STK32B: variants seen among roughly 807,000 people sequenced by gnomAD.
STK32B encodes serine/threonine kinase 32B.
A neutral mutation model predicts 52.6 loss-of-function variants in STK32B; 43 were observed. The ratio of observed to expected loss-of-function variants is 0.82; its 90% confidence interval spans 0.64 to 1.05. STK32B has a LOEUF of 1.05. Ranked by LOEUF, STK32B falls within the 50% of genes least tolerant of loss-of-function variation. STK32B has a pLI of 0.00. For synonymous variants in STK32B, 238 were observed against 204.3 expected, an observed-to-expected ratio of 1.17 and a Z score of -1.41; for missense variants, 621 against 534.6, an observed-to-expected ratio of 1.16 and a Z score of -1.59.
intron 3 of STK32B, among the ~76,000 whole-genome samples, chr4:5,176,346 C>T (rs527841186): frequency 2.0e-4 from 30 of 152,126 alleles, no homozygotes; most frequent in Non-Finnish European, 3.5e-4. Context: ...GAGATGAACC[C>T]GGTACCTCAG....
chr4:5,032,176 A>T, the STK32B span, among the ~76,000 whole-genome samples: 1 of 151,184 alleles, frequency 6.6e-6, no homozygotes, highest in Non-Finnish European at 1.5e-5. Flanking sequence ...CTAGAAAGAA[A>T]AAAAAAAAAA....
At chr4:5,302,713 T>C (rs1193453495) in intron 3 of STK32B, among the ~76,000 whole-genome samples, 2 of 152,058 alleles carry the variant, frequency 1.3e-5, no homozygotes, top group African/African-American at 4.8e-5. Context: ...ACCTGAGCAG[T>C]GTACACTGTA....
At chr4:5,201,900 G>A (rs1287697215) in intron 3 of STK32B, among the ~76,000 whole-genome samples, 1 of 152,126 alleles carries the variant, frequency 6.6e-6, no homozygotes, top group Non-Finnish European at 1.5e-5. Flanking sequence ...TTTGGGTGGG[G>A]TCACAGAGCC....
intron 1 of STK32B, among the ~76,000 whole-genome samples, chr4:5,106,619 T>C (rs1160359024): frequency 2.0e-5 from 3 of 152,232 alleles, no homozygotes; most frequent in Admixed American, 1.3e-4. Flanking sequence ...GCCTGAAATA[T>C]GCCATTTATA....
intron 6 of STK32B, 67 bp downstream of exon 6, chr4:5,417,001 TTGTTTC>T: frequency 7.0e-7 from 1 of 1,424,170 alleles, no homozygotes; most frequent in Non-Finnish European, 9.6e-7. Context: ...CATCCTTCTC[TTGTTTC>T]ATCTGCCACT....
At chr4:5,435,450 G>A (rs934139715) in intron 6 of STK32B, among the ~76,000 whole-genome samples, 1 of 152,108 alleles carries the variant, frequency 6.6e-6, no homozygotes, top group Non-Finnish European at 1.5e-5. Context: ...AGAGCAACTC[G>A]CTCCTTCCTC....
rs1730829755 is a variant in STK32B, at chr4:5,316,654, TA to T, written c.261-14565del. Among the ~76,000 whole-genome samples, 2 of 7,344 alleles carry T rather than the reference TA, an allele frequency of 2.7e-4. 1 individual carries two copies. The highest frequency in any genetic ancestry group is 3.5e-4 in the Non-Finnish European group (2 of 5,740). The allele number at this position is 7,344 out of a possible 152,430, so 4.8% of individuals were successfully genotyped here. On this transcript the variant is annotated intron_variant, in intron 3 of 11. Transcript: ENST00000282908. ...AATATATAATATATTATATATATAA[TA>T]TATAATATATATTATATATATAATA...
At chr4:5,244,501 A>C (rs1032620669) in intron 3 of STK32B, among the ~76,000 whole-genome samples, 1 of 150,554 alleles carries the variant, frequency 6.6e-6, no homozygotes, top group African/African-American at 2.5e-5. Flanking sequence ...TGGTCTATCA[A>C]TTTTGTTGAT....
At chr4:5,278,129 A>AGGTTTTGACTTCTGGCAAGGTGAT (rs1276880564) in intron 3 of STK32B, among the ~76,000 whole-genome samples, 1 of 152,194 alleles carries the variant, frequency 6.6e-6, no homozygotes, top group Non-Finnish European at 1.5e-5. Context: ...ATGACGTGGG[A>AGGTTTTGACTTCTGGCAAGGTGAT]GGTTTTGACT....
intron 4 of STK32B, among the ~76,000 whole-genome samples, chr4:5,375,058 G>A (rs866328159): frequency 7.2e-5 from 11 of 152,144 alleles, no homozygotes; most frequent in African/African-American, 2.7e-4. Flanking sequence ...CAATGAACCC[G>A]AGTGAGGTCA....
At chr4:5,412,221 T>A (rs1711754181) in intron 5 of STK32B, among the ~76,000 whole-genome samples, 1 of 152,206 alleles carries the variant, frequency 6.6e-6, no homozygotes, top group Non-Finnish European at 1.5e-5. Context: ...TTCTCTTTGA[T>A]TTTTGGATGT....
chr4:5,068,458 A>G (rs991444795), intron 1 of STK32B, among the ~76,000 whole-genome samples: 1 of 152,204 alleles, frequency 6.6e-6, no homozygotes, highest in African/African-American at 2.4e-5. Flanking sequence ...GTTTAGAATA[A>G]CAGTGTGAGA....
intron 6 of STK32B, among the ~76,000 whole-genome samples, chr4:5,421,563 C>A (rs1265257708): frequency 6.6e-6 from 1 of 152,234 alleles, no homozygotes; most frequent in Non-Finnish European, 1.5e-5. Flanking sequence ...GATGTCTCTG[C>A]CTGCATGTGG....
chr4:5,387,765 GAC>G (rs1436929855), intron 4 of STK32B, among the ~76,000 whole-genome samples: 7 of 152,158 alleles, frequency 4.6e-5, no homozygotes, highest in Admixed American at 4.6e-4. Context: ...TTTGTTTTGA[GAC>G]AGAGTTTTCT....
chr4:5,416,869 A>T lies in STK32B; in HGVS notation c.497A>T (p.Asn166Ile), dbSNP rs779336931. Residue 166 changes from asparagine (N) to isoleucine (I), a missense_variant, in exon 6 of 12, where the codon AAC (asparagine) becomes ATC (isoleucine). Transcript: ENST00000282908. ...EHGHVHITDF[N>I]IATVVKGAER... ...GGACATGTTCACATTACAGACTTCA[A>T]CATAGCGACGGTAGTGAAAGGAGCA... The T allele has an allele frequency of 6.2e-7, 1 of 1,613,986 alleles. No homozygotes were observed. Among genetic ancestry groups the T allele is most frequent in the Non-Finnish European group, 8.5e-7 (1 of 1,179,946 alleles).
At chr4:5,387,439 G>A (rs1021541076) in intron 4 of STK32B, among the ~76,000 whole-genome samples, 4 of 152,184 alleles carry the variant, frequency 2.6e-5, no homozygotes, top group Non-Finnish European at 4.4e-5. Flanking sequence ...GACATGCAGT[G>A]AGGTACAGGG....
At chr4:5,229,636 G>A (rs1481460103) in intron 3 of STK32B, among the ~76,000 whole-genome samples, 3 of 151,938 alleles carry the variant, frequency 2.0e-5, no homozygotes, top group African/African-American at 7.3e-5. Flanking sequence ...TTCAAGGTGA[G>A]AAAAATACAC....
chr4:5,142,457 T>A (rs1202340503), intron 2 of STK32B, among the ~76,000 whole-genome samples: 2 of 152,252 alleles, frequency 1.3e-5, no homozygotes, highest in Non-Finnish European at 2.9e-5. Context: ...CAGACTTCAC[T>A]GTAGGCACAT....
chr4:5,042,872 C>T, the STK32B span, among the ~76,000 whole-genome samples: 1,038 of 151,454 alleles, frequency 6.9e-3, 18 homozygotes, highest in African/African-American at 0.023. Context: ...TTTGGGAGGC[C>T]GAGGCGGGTG....
Sources: gnomAD v4.1 joint callset for allele counts (sites outside exome capture counted in the v4.1 genomes callset) on GRCh38, gnomAD v4.1.1 for gene constraint, MANE v1.5 for transcripts, NCBI Gene and HGNC (gene_info 2026-07-23, HGNC 2026-07-21) for gene names.